The following PLA2G6 variants were observed in gnomAD, a reference collection of about 807,000 sequenced individuals.
PLA2G6 encodes the protein 85/88 kDa calcium-independent phospholipase A2.
A neutral mutation model predicts 83.8 loss-of-function variants in PLA2G6; 62 were observed. The ratio of observed to expected loss-of-function variants is 0.74; its 90% CI spans 0.60 to 0.91. The LOEUF is 0.91. Ranked by LOEUF, PLA2G6 falls within the 40% of genes least tolerant of loss-of-function variation. The pLI, the probability that PLA2G6 is intolerant of heterozygous loss-of-function variation, is 0.00. For synonymous variants in PLA2G6, 417 were observed against 449.8 expected (o/e 0.93, Z 0.92); for missense variants, 944 against 1,102.0 (o/e 0.86, Z 2.03).
In PLA2G6 at chr22:38,169,346, C is replaced by T. The variant is rs1024648776; in HGVS notation, c.81G>A (p.Val27=). The part of the protein sequence containing the change: ...LFSNPFRVKE[V]AVADYTSSDR... Reference sequence around the variant, plus strand: ...CACTCGAGGTGTAGTCGGCCACAGCCACCTCCTTCACCCGGAATGGGTTAG... The same window carrying T: ...CACTCGAGGTGTAGTCGGCCACAGCTACCTCCTTCACCCGGAATGGGTTAG... The change falls in exon 2 of 17, where the codon GTG becomes GTA. Residue 27 remains valine, a synonymous_variant. Coordinates refer to ENST00000332509, the MANE Select transcript of PLA2G6 (RefSeq NM_003560.4). 1 of 1,614,092 alleles carries T rather than the reference C, an allele frequency of 6.2e-7. No individual in the cohort carries two copies. Among genetic ancestry groups the T allele is most frequent in the Admixed American group, 1.7e-5 (1 of 60,010 alleles).
At chr22:38,167,227 C>CAAAAA (rs132983) in intron 2 of PLA2G6, among the ~76,000 whole-genome samples, 2 of 107,638 alleles carry the variant, frequency 1.9e-5, no homozygotes, top group East Asian at 2.8e-4. Context: ...GACTCTGTCT[C>CAAAAA]AAAAAAAAAA....
intron 4 of PLA2G6, chr22:38,142,729 A>C: frequency 2.8e-6 from 1 of 351,806 alleles, no homozygotes; most frequent in Non-Finnish European, 5.5e-6. Context: ...AGATTGGACA[A>C]GCTTGCAAAA....
intron 2 of PLA2G6, among the ~76,000 whole-genome samples, chr22:38,161,635 C>T (rs1350595432): frequency 6.6e-6 from 1 of 152,010 alleles, no homozygotes; most frequent in East Asian, 1.9e-4. Flanking sequence ...GGGGGACCAC[C>T]CTCAGCTAAA....
chr22:38,160,759 GGCGT>G (rs1319674045), intron 2 of PLA2G6, among the ~76,000 whole-genome samples: 2 of 152,218 alleles, frequency 1.3e-5, no homozygotes, highest in Non-Finnish European at 2.9e-5. Flanking sequence ...GCAGGAGAAT[GGCGT>G]GAACCCAGGA....
chr22:38,126,213 A>T, intron 10 of PLA2G6, 158 bp downstream of exon 10: 1 of 707,708 alleles, frequency 1.4e-6, no homozygotes, highest in Non-Finnish European at 2.6e-6. Flanking sequence ...CAGGCTCTCC[A>T]TGTTCTGTCT....
At position 38,139,971 on chromosome 22, in the gene PLA2G6, G is replaced by A. The variant is rs1246535412; in HGVS notation, c.797+11C>T. ...AGCAGGCCAGCAGATGGGGAGGGGAGGAGGTCTTACCCCTTCTGAGAGAAC... is the reference window on the plus strand; with the variant it reads ...AGCAGGCCAGCAGATGGGGAGGGGAAGAGGTCTTACCCCTTCTGAGAGAAC... On this transcript the variant is annotated intron_variant, in intron 5 of 16. Coordinates refer to ENST00000332509, the MANE Select transcript of PLA2G6 (RefSeq NM_003560.4). 1 of 1,571,952 alleles carries A rather than the reference G, an allele frequency of 6.4e-7. No individual in the cohort carries two copies. Among genetic ancestry groups the A allele is most frequent in the Non-Finnish European group, 8.7e-7 (1 of 1,156,004 alleles).
Position 38,139,976 on chromosome 22 carries a change from T to A in PLA2G6, c.797+6A>T. On this transcript the variant is annotated splice_donor_region_variant and intron_variant, in intron 5 of 16. Coordinates refer to ENST00000332509, the MANE Select transcript of PLA2G6 (RefSeq NM_003560.4). Reference sequence around the variant, plus strand: ...GCCAGCAGATGGGGAGGGGAGGAGGTCTTACCCCTTCTGAGAGAACTTCAT... The same window carrying A: ...GCCAGCAGATGGGGAGGGGAGGAGGACTTACCCCTTCTGAGAGAACTTCAT... 1 of 1,576,094 alleles carries A rather than the reference T, an allele frequency of 6.3e-7. No individual in the cohort carries two copies. The highest frequency in any genetic ancestry group is 8.6e-7 in the Non-Finnish European group (1 of 1,159,446).
At chr22:38,156,359 G>A (rs2089777910) in intron 2 of PLA2G6, among the ~76,000 whole-genome samples, 1 of 152,096 alleles carries the variant, frequency 6.6e-6, no homozygotes, top group African/African-American at 2.4e-5. Context: ...TTCATCCAAC[G>A]GCTGCAGAAT....
Position 38,140,011 on chromosome 22 carries a change from G to C in PLA2G6, c.768C>G (p.Ile256Met). 2 of 1,608,546 alleles carry C rather than the reference G, an allele frequency of 1.2e-6. No homozygotes were observed. The highest frequency in any genetic ancestry group is 1.7e-6 in the Non-Finnish European group (2 of 1,177,172). ...CNIMGPNGYP[I>M]HSAMKFSQKG... ...TCTGAGAGAACTTCATGGCCGAGTG[G>C]ATGGGGTAGCCGTTGGGGCCCATGA... The change falls in exon 5 of 17, where the codon ATC (isoleucine) becomes ATG (methionine). Residue 256 changes from isoleucine (I) to methionine (M), a missense_variant. Physicochemically the swap from Ile to Met is conservative, Grantham distance 10. Transcript: ENST00000332509.
intron 2 of PLA2G6, chr22:38,146,776 T>A (rs2089284134): frequency 9.4e-6 from 1 of 106,050 alleles, no homozygotes; most frequent in African/African-American, 3.9e-5. Flanking sequence ...CTTTTTCTTT[T>A]CTTTTCTTTT....
chr22:38,130,539 G>A (rs541671351), intron 7 of PLA2G6: 3 of 151,744 alleles, frequency 2.0e-5, no homozygotes, highest in Non-Finnish European at 4.4e-5. Context: ...GGCTGGTCTT[G>A]AACTCCTGAC....
At chr22:38,125,773 C>T in intron 10 of PLA2G6, 2 of 464,054 alleles carry the variant, frequency 4.3e-6, no homozygotes, top group Non-Finnish European at 9.0e-6. Flanking sequence ...GAATCAACTG[C>T]AGCAATCAAG....
intron 15 of PLA2G6, chr22:38,112,923 T>C (rs1367317786): frequency 2.3e-6 from 1 of 436,376 alleles, no homozygotes; most frequent in East Asian, 4.6e-5. Flanking sequence ...TTCTTTCTTT[T>C]TGAGACAAGG....
chr22:38,129,253 G>T (rs1307108156), intron 8 of PLA2G6, among the ~76,000 whole-genome samples: 1 of 152,232 alleles, frequency 6.6e-6, no homozygotes, highest in Non-Finnish European at 1.5e-5. Context: ...CAAGCCCCGT[G>T]GTGGGCCTGC....
At chr22:38,176,618 C>T (rs554194326) in intron 1 of PLA2G6, among the ~76,000 whole-genome samples, 3 of 152,292 alleles carry the variant, frequency 2.0e-5, no homozygotes, top group South Asian at 2.1e-4. Context: ...CCTGTAGCTC[C>T]GTCTGTGCCA....
intron 1 of PLA2G6, among the ~76,000 whole-genome samples, chr22:38,171,890 G>A (rs133005): frequency 0.11 from 16,554 of 151,728 alleles, 1,062 homozygotes; most frequent in African/African-American, 0.16. Context: ...TCGAACGCCC[G>A]GGTTCAAGCG....
chr22:38,114,385 C>A (rs541911448), intron 14 of PLA2G6, among the ~76,000 whole-genome samples: 12 of 152,330 alleles, frequency 7.9e-5, no homozygotes, highest in Admixed American at 5.9e-4. Flanking sequence ...CAGGGTTTCA[C>A]CGTGTTAGCC....
At chr22:38,153,776 G>T (rs533085529) in intron 2 of PLA2G6, among the ~76,000 whole-genome samples, 4 of 152,194 alleles carry the variant, frequency 2.6e-5, no homozygotes, top group Non-Finnish European at 4.4e-5. Flanking sequence ...GCTACAGTGT[G>T]GCAGAGCACC....
rs1272910150 is a variant in PLA2G6, at chr22:38,123,052, G to C, written c.1591+43C>G. ...ACAAACTCGGCCCCTTGAGGACACA[G>C]GTCTCAGCCCCGCCTGGCCCCATCC... On this transcript the variant is annotated intron_variant, in intron 11 of 16. Transcript: ENST00000332509. This position sits in a 1 kb window ranked among gnomAD's most constrained non-coding sequence, Gnocchi z 4.1. The C allele has an allele frequency of 2.6e-6, 4 of 1,532,010 alleles. No homozygotes were observed. In the African/African-American group the frequency reaches 5.5e-5, roughly 21 times the overall value. 94.9% of individuals were successfully genotyped at this position (1,532,010 alleles called of 1,614,324 possible).
Sources: gnomAD v4.1 joint callset for allele counts (sites outside exome capture counted in the v4.1 genomes callset) on GRCh38, gnomAD v4.1.1 for gene constraint, Gnocchi (gnomAD v3.1) non-coding constraint, MANE v1.5 for transcripts, NCBI Gene and HGNC (gene_info 2026-07-23, HGNC 2026-07-21) for gene names.